Variants in CCR3 observed in about 807,000 individuals in gnomAD.
CCR3 encodes C-C motif chemokine receptor 3.
For missense variants in CCR3, 419 were observed against 437.5 expected, an observed-to-expected ratio of 0.96 and a Z score of 0.38; for synonymous variants, 203 against 179.2, an observed-to-expected ratio of 1.13 and a Z score of -1.06.
chr3:46,249,427 G>T (rs1362679937), intron 1 of CCR3, among the ~76,000 whole-genome samples: 1 of 152,116 alleles, frequency 6.6e-6, no homozygotes, highest in Non-Finnish European at 1.5e-5. Flanking sequence ...AGGGAAACAG[G>T]CTCTTGAAAA....
rs1230723109 is a variant in CCR3 at position 46,256,831 on chromosome 3, G to T, written c.-11-8317G>T. On this transcript the variant is annotated intron_variant, in intron 1 of 1. Transcript: ENST00000395940. ...ATGAGATCAATCGAGAATCATGATG[G>T]GTCACCACCATATTTGCCAGTTGCC... Among the ~76,000 whole-genome samples, 5 of 152,038 alleles carry T rather than the reference G, an allele frequency of 3.3e-5. No homozygotes were observed. In the South Asian group the frequency reaches 8.3e-4, roughly 25 times the overall value.
At chr3:46,258,166 T>C (rs866119609) in intron 1 of CCR3, among the ~76,000 whole-genome samples, 2 of 152,238 alleles carry the variant, frequency 1.3e-5, no homozygotes, top group South Asian at 4.1e-4. Context: ...AACAAGTTTC[T>C]AGTTATTCCT....
Position 46,265,984 on chromosome 3 carries a change from A to T in CCR3, c.826A>T (p.Ser276Cys). 1 of 1,614,072 alleles carries T rather than the reference A, an allele frequency of 6.2e-7. No homozygotes were observed. The highest frequency in any genetic ancestry group is 8.5e-7 in the Non-Finnish European group (1 of 1,179,992). ...SILFGNDCER[S>C]KHLDLVMLVT... Reference sequence around the variant, plus strand: ...CTTATTTGGAAATGACTGTGAGCGGAGCAAGCATCTGGACCTGGTCATGCT... The same window carrying T: ...CTTATTTGGAAATGACTGTGAGCGGTGCAAGCATCTGGACCTGGTCATGCT... Residue 276 changes from serine (S) to cysteine (C), a missense_variant, in exon 2 of 2, where the codon AGC becomes TGC. Physicochemically the swap from Ser to Cys is moderately radical, Grantham distance 112 (BLOSUM62 -1). Coordinates refer to ENST00000395940, the MANE Select transcript of CCR3 (RefSeq NM_178329.3).
At chr3:46,256,063 A>G (rs1161566084) in intron 1 of CCR3, among the ~76,000 whole-genome samples, 7 of 151,990 alleles carry the variant, frequency 4.6e-5, no homozygotes, top group East Asian at 1.9e-4. Context: ...TGTGTCATCT[A>G]TGATTTCTTT....
intron 2 of CCR3, among the ~76,000 whole-genome samples, chr3:46,232,010 GT>G (rs1306993497): frequency 2.6e-4 from 39 of 152,226 alleles, no homozygotes; most frequent in African/African-American, 9.2e-4. Flanking sequence ...GAAGTGCATT[GT>G]TTTTGCATTT....
At chr3:46,243,377 ATG>A (rs1700131312) in intron 1 of CCR3, among the ~76,000 whole-genome samples, 1 of 152,154 alleles carries the variant, frequency 6.6e-6, no homozygotes. Context: ...TTATATACAT[ATG>A]TGTGTGTGCA....
rs561983480 is a variant in CCR3, at chr3:46,252,271, G to T, written c.-12+9733G>T. Among the ~76,000 whole-genome samples, 172 of 149,252 alleles carry T rather than the reference G, an allele frequency of 1.2e-3. 1 individual carries two copies. The highest frequency in any genetic ancestry group is 2.0e-3 in the Non-Finnish European group (135 of 67,608). On this transcript the variant is annotated intron_variant, in intron 1 of 1. Coordinates refer to ENST00000395940, the MANE Select transcript of CCR3 (RefSeq NM_178329.3). ...GCTCACAGCAAACTCCGCATCCCAG[G>T]CTCAAGAGATTCTCCTGCCTCAGCC...
chr3:46,212,162 G>A (rs191515169), intron 2 of CCR3, among the ~76,000 whole-genome samples: 3 of 152,244 alleles, frequency 2.0e-5, no homozygotes, highest in African/African-American at 4.8e-5. Context: ...ACCAAGACGG[G>A]GCAGGGCCCA....
intron 2 of CCR3, among the ~76,000 whole-genome samples, chr3:46,217,307 T>G (rs1400270667): frequency 1.3e-5 from 2 of 152,042 alleles, no homozygotes; most frequent in Non-Finnish European, 2.9e-5. Flanking sequence ...GCTCCCAAAT[T>G]TATAAGACAA....
intron 1 of CCR3, among the ~76,000 whole-genome samples, chr3:46,262,850 T>C (rs1191500499): frequency 6.6e-6 from 1 of 152,130 alleles, no homozygotes; most frequent in Non-Finnish European, 1.5e-5. Flanking sequence ...AGATAGGATC[T>C]CACTATATTG....
upstream of CCR3, among the ~76,000 whole-genome samples, chr3:46,241,496 CT>C (rs1575495519): frequency 6.6e-6 from 1 of 152,218 alleles, no homozygotes; most frequent in East Asian, 1.9e-4. Flanking sequence ...CCCTATGACG[CT>C]TATGTCACAG....
intron 2 of CCR3, among the ~76,000 whole-genome samples, chr3:46,236,495 T>A (rs1700026352): frequency 6.6e-6 from 1 of 152,254 alleles, no homozygotes; most frequent in Admixed American, 6.5e-5. Flanking sequence ...TGCTTCCATG[T>A]AACCTCTCCA....
chr3:46,214,619 T>C (rs972825292), intron 2 of CCR3, among the ~76,000 whole-genome samples: 1 of 152,110 alleles, frequency 6.6e-6, no homozygotes, highest in Non-Finnish European at 1.5e-5. Context: ...GGGCTGCCTT[T>C]TCTTTTTGCC....
chr3:46,245,173 A>G (rs1700166653), intron 1 of CCR3, among the ~76,000 whole-genome samples: 1 of 151,906 alleles, frequency 6.6e-6, no homozygotes, highest in Non-Finnish European at 1.5e-5. Flanking sequence ...GCCCTAAAAT[A>G]CCAATTCTGG....
chr3:46,222,951 C>A (rs192580053), intron 2 of CCR3, among the ~76,000 whole-genome samples: 1 of 152,100 alleles, frequency 6.6e-6, no homozygotes, highest in African/African-American at 2.4e-5. Flanking sequence ...GTCAAGAAAC[C>A]CTTCATGCTA....
At chr3:46,232,244 A>G (rs1024045704) in intron 2 of CCR3, among the ~76,000 whole-genome samples, 1 of 152,236 alleles carries the variant, frequency 6.6e-6, no homozygotes, top group Non-Finnish European at 1.5e-5. Flanking sequence ...CTGAAGGAAT[A>G]TGTTGAAGCT....
At chr3:46,244,371 T>C (rs1700151364) in intron 1 of CCR3, among the ~76,000 whole-genome samples, 1 of 152,238 alleles carries the variant, frequency 6.6e-6, no homozygotes, top group Non-Finnish European at 1.5e-5. Context: ...TGTACTATCT[T>C]TCATGCGCGT....
At chr3:46,241,447 G>T (rs758676739), upstream of CCR3, among the ~76,000 whole-genome samples, 18 of 152,168 alleles carry the variant, frequency 1.2e-4, no homozygotes, top group Non-Finnish European at 2.4e-4. Flanking sequence ...CAGGCACATG[G>T]CTCTGCCCTG....
intron 1 of CCR3, among the ~76,000 whole-genome samples, chr3:46,250,559 T>C (rs1470309881): frequency 4.6e-5 from 7 of 152,180 alleles, no homozygotes. Flanking sequence ...ATTTAGATCT[T>C]GTAGGATGGA....
Sources: gnomAD v4.1 joint callset for allele counts (sites outside exome capture counted in the v4.1 genomes callset) on GRCh38, gnomAD v4.1.1 for gene constraint, MANE v1.5 for transcripts, NCBI Gene and HGNC (gene_info 2026-07-23, HGNC 2026-07-21) for gene names.